Variants in HYDIN observed in about 807,000 individuals in gnomAD.
HYDIN encodes HYDIN axonemal central pair apparatus protein, also known as axonemal central pair apparatus protein HYDIN.
A neutral mutation model predicts 403.9 loss-of-function variants in HYDIN; 132 were observed. The observed-to-expected ratio is 0.33, with a 90% CI of 0.28 to 0.38. The LOEUF (loss-of-function observed/expected upper bound fraction) is 0.38, where lower values mean the gene tolerates loss of function less well. Among genes scored for constraint, HYDIN ranks in the 10% least tolerant of loss-of-function variants. HYDIN has a pLI of 1.00. For missense variants in HYDIN, 2,827 were observed against 5,009.5 expected, an observed-to-expected ratio of 0.56 and a Z score of 13.15; for synonymous variants, 1,202 against 1,891.7, an observed-to-expected ratio of 0.64 and a Z score of 9.46.
chr16:71,077,338 A>G (rs1303098992), intron 13 of HYDIN, among the ~76,000 whole-genome samples: 2 of 151,464 alleles, frequency 1.3e-5, no homozygotes, highest in Non-Finnish European at 3.0e-5. Context: ...TAGTGTCTGC[A>G]CATTTATTGT....
Position 70,818,370 on chromosome 16 carries a change from G to A in HYDIN, c.14630C>T (p.Ser4877Phe), listed in dbSNP as rs752031535. The change falls in exon 84 of 86, where the codon TCC becomes TTC. Residue 4877 changes from serine to phenylalanine, a missense_variant. Coordinates refer to ENST00000393567, the MANE Select transcript of HYDIN (RefSeq NM_001270974.2). ...GGAGTTGGCAGGCACCACAAACTGG[G>A]AGGGCAGGGCGATGTCGGGCATCCG... is the stretch of plus-strand genomic sequence containing the variant. ...ECRMPDIALP[S>F]QFVVPANSEG... 1 of 1,613,694 alleles carries A rather than the reference G, an allele frequency of 6.2e-7. No homozygotes were observed. Among genetic ancestry groups the A allele is most frequent in the East Asian group, 2.2e-5 (1 of 44,848 alleles).
At chr16:70,944,289 G>A (rs2077779733) in intron 41 of HYDIN, among the ~76,000 whole-genome samples, 1 of 152,200 alleles carries the variant, frequency 6.6e-6, no homozygotes, top group Non-Finnish European at 1.5e-5. Flanking sequence ...GCATTCCAAT[G>A]CAATCCACCA....
intron 10 of HYDIN, chr16:71,113,722 T>C (rs1029024634): frequency 1.3e-5 from 2 of 151,628 alleles, no homozygotes; most frequent in African/African-American, 4.9e-5. Flanking sequence ...GCCTACTGAG[T>C]AGCTAGGACT....
chr16:70,894,197 C>A (rs2041654200), intron 55 of HYDIN: 4 of 575,526 alleles, frequency 7.0e-6, no homozygotes, highest in Non-Finnish European at 1.2e-5. Flanking sequence ...GAGTTGAGAG[C>A]AGTGTGAGAA....
intron 84 of HYDIN, among the ~76,000 whole-genome samples, 190 bp downstream of exon 84, chr16:70,818,152 T>G (rs1376031074): frequency 6.6e-6 from 1 of 152,108 alleles, no homozygotes; most frequent in Non-Finnish European, 1.5e-5. Flanking sequence ...CCAAACGATG[T>G]GCCCAAGCTC....
intron 44 of HYDIN, among the ~76,000 whole-genome samples, chr16:70,938,396 G>GTCC (rs2077562585): frequency 6.6e-6 from 1 of 152,242 alleles, no homozygotes; most frequent in African/African-American, 2.4e-5. Context: ...CCGCCAGTGA[G>GTCC]AAATAAGGAG....
Position 71,230,504 on chromosome 16 carries a change from C to G in HYDIN, c.-24+58G>C, listed in dbSNP as rs1567482704. Reference sequence around the variant, plus strand: ...ACGAGGACGAAAAGAGGGGACGCCCCGGTTAGCCCCCATGTCCCTCACACT... The same window carrying G: ...ACGAGGACGAAAAGAGGGGACGCCCGGGTTAGCCCCCATGTCCCTCACACT... On this transcript the variant is annotated intron_variant, in intron 1 of 85. Transcript: ENST00000393567. The G allele has an allele frequency of 4.8e-6, 7 of 1,465,374 alleles. No individual in the cohort carries two copies. In the South Asian group the frequency reaches 9.6e-5, roughly 20 times the overall value. 90.8% of individuals were successfully genotyped at this position (1,465,374 alleles called of 1,614,324 possible).
At chr16:71,224,393 C>T (rs1391884530) in intron 1 of HYDIN, among the ~76,000 whole-genome samples, 1 of 152,220 alleles carries the variant, frequency 6.6e-6, no homozygotes, top group East Asian at 1.9e-4. Flanking sequence ...CACTAAAGAA[C>T]TCATCCATGT....
At chr16:71,118,463 T>C (rs568518360) in intron 9 of HYDIN, among the ~76,000 whole-genome samples, 1 of 151,594 alleles carries the variant, frequency 6.6e-6, no homozygotes, top group East Asian at 2.0e-4. Context: ...TAAATATTTG[T>C]TGAATCTGCA....
At chr16:70,861,067 G>A (rs2039381855) in intron 69 of HYDIN, among the ~76,000 whole-genome samples, 166 bp from the exon 70 acceptor site, 1 of 151,884 alleles carries the variant, frequency 6.6e-6, no homozygotes, top group Admixed American at 6.6e-5. Flanking sequence ...TGCATGACTG[G>A]GCTGAGCATA....
chr16:70,854,100 G>A (rs1287342257), intron 73 of HYDIN, among the ~76,000 whole-genome samples: 5 of 151,536 alleles, frequency 3.3e-5, no homozygotes, highest in Non-Finnish European at 2.9e-5. Context: ...GGCTAGTCTC[G>A]AACTCCTGAC....
chr16:71,170,208 GA>G (rs984976542), intron 5 of HYDIN, among the ~76,000 whole-genome samples: 1 of 152,156 alleles, frequency 6.6e-6, no homozygotes, highest in African/African-American at 2.4e-5. Flanking sequence ...CAGGGGAGCT[GA>G]AAAGCTGGTG....
intron 9 of HYDIN, among the ~76,000 whole-genome samples, chr16:71,128,258 G>T (rs1180535639): frequency 6.6e-6 from 1 of 152,046 alleles, no homozygotes; most frequent in Non-Finnish European, 1.5e-5. Context: ...CAAGGGAAAA[G>T]CTCCCTCTTG....
chr16:70,805,107 G>A lies in HYDIN; in HGVS notation c.*2473C>T, dbSNP rs1404696482. 6.6e-6 allele frequency among the ~76,000 whole-genome samples: 1 copy of A among 152,228 alleles called. No homozygotes were observed. ...TCCCTTCTCCTAACCTATACCTCTGGTGAATAGGTGGAAGGAGGCACATTT... is the reference window on the plus strand; with the variant it reads ...TCCCTTCTCCTAACCTATACCTCTGATGAATAGGTGGAAGGAGGCACATTT... On this transcript the variant is annotated 3_prime_UTR_variant, in exon 86 of 86. Transcript: ENST00000393567.
chr16:70,920,999 G>A lies in HYDIN; in HGVS notation c.7377C>T (p.Thr2459=). 1.3e-6 allele frequency: 2 copies of A among 1,580,102 alleles called. No homozygotes were observed. The highest frequency in any genetic ancestry group is 8.6e-7 in the Non-Finnish European group (1 of 1,158,276). ...GGACATCCTTCAGTGTCAATTCATAGGTCTTAAACTTCGGGGCCAGTTGCT... is the reference window on the plus strand; with the variant it reads ...GGACATCCTTCAGTGTCAATTCATAAGTCTTAAACTTCGGGGCCAGTTGCT... ...PDKQLAPKFK[T]YELTLKDVQN... is the part of the protein sequence containing the mutation. Residue 2459 remains threonine (T), a synonymous_variant, in exon 46 of 86, where the codon ACC becomes ACT. Coordinates refer to ENST00000393567, the MANE Select transcript of HYDIN (RefSeq NM_001270974.2).
At chr16:70,983,228 GC>G (rs1323936108) in intron 28 of HYDIN, among the ~76,000 whole-genome samples, 1 of 35,172 alleles carries the variant, frequency 2.8e-5, no homozygotes, top group Non-Finnish European at 4.5e-5. Context: ...TGAATGATAA[GC>G]CTAAAACAAA....
At chr16:71,135,643 G>T (rs1291156605) in intron 8 of HYDIN, among the ~76,000 whole-genome samples, 3 of 152,036 alleles carry the variant, frequency 2.0e-5, no homozygotes, top group Non-Finnish European at 4.4e-5. Flanking sequence ...CTTCAAGCAT[G>T]TTGGGCCATT....
chr16:70,992,074 C>A lies in HYDIN; in HGVS notation c.3781G>T (p.Val1261Phe). 1.2e-6 allele frequency: 2 copies of A among 1,613,700 alleles called. No homozygotes were observed. Among genetic ancestry groups the A allele is most frequent in the Non-Finnish European group, 8.5e-7 (1 of 1,179,850 alleles). Residue 1261 changes from valine (V) to phenylalanine (F), a missense_variant, in exon 24 of 86, where the codon GTT becomes TTT. By Grantham distance (50) the Val-to-Phe change is conservative. Coordinates refer to ENST00000393567, the MANE Select transcript of HYDIN (RefSeq NM_001270974.2). ...ESPEMDLNDF[V>F]KTVLVDEDAR... is the part of the protein sequence containing the mutation. Reference sequence around the variant, plus strand: ...CTATGTTGGCTTTGCACTTACTTAACAAAATCATTTAAATCCATCTCGGGG... The same window carrying A: ...CTATGTTGGCTTTGCACTTACTTAAAAAAATCATTTAAATCCATCTCGGGG...
At chr16:70,808,994 C>T (rs998515778) in intron 85 of HYDIN, among the ~76,000 whole-genome samples, 1 of 152,222 alleles carries the variant, frequency 6.6e-6, no homozygotes, top group Non-Finnish European at 1.5e-5. Flanking sequence ...GCCATTCCAG[C>T]TCAAACTGCT....
Sources: allele counts gnomAD v4.1 joint callset (sites outside exome capture counted in the v4.1 genomes callset), GRCh38; gene constraint gnomAD v4.1.1; transcripts MANE v1.5; gene names NCBI Gene and HGNC (gene_info 2026-07-23, HGNC 2026-07-21).